CDC42BPB: variants seen among roughly 807,000 people sequenced by gnomAD.
The protein encoded by CDC42BPB is CDC42 binding protein kinase beta.
In CDC42BPB, 37 loss-of-function variants were observed where a neutral mutation model predicts 214.9. That is an observed-to-expected ratio of 0.17 (90% CI 0.13 to 0.23). The LOEUF (loss-of-function observed/expected upper bound fraction) is 0.23. CDC42BPB is among the 10% of genes least tolerant of loss of function. The pLI is 1.00. For missense variants in CDC42BPB, 1,694 were observed against 2,227.0 expected (o/e 0.76, Z 4.82); for synonymous variants, 931 against 884.0 (o/e 1.05, Z -0.94).
At position 103,057,479 on chromosome 14, in the gene CDC42BPB, CG is replaced by C; in HGVS notation, c.-307del. On this transcript the variant is annotated 5_prime_UTR_variant, in exon 1 of 37. Transcript: ENST00000361246. ...GCCCCGCCCGCGGCCGCGCCCTCCC[CG>C]CCGCCGCCGCCGCAGACTAGGAGCG... 1 of 191,652 alleles carries C rather than the reference CG, an allele frequency of 5.2e-6. No individual in the cohort carries two copies. Among genetic ancestry groups the C allele is most frequent in the South Asian group, 1.6e-4 (1 of 6,436 alleles). 11.9% of individuals were successfully genotyped at this position (191,652 alleles called of 1,614,324 possible).
At chr14:103,034,486 T>A (rs1887557444) in intron 1 of CDC42BPB, among the ~76,000 whole-genome samples, 1 of 152,140 alleles carries the variant, frequency 6.6e-6, no homozygotes. Flanking sequence ...CAACAGGAAT[T>A]ACCATAGCCG....
Position 103,042,308 on chromosome 14 carries a change from AC to A in CDC42BPB, c.175+14690del, listed in dbSNP as rs1371524478. ...ACTCTTAAAATTCAACAAAAACACA[AC>A]CCAATTTTTTTTTTTTTTGAGACGG... is the stretch of plus-strand genomic sequence containing the variant. On this transcript the variant is annotated intron_variant, in intron 1 of 36. Coordinates refer to ENST00000361246, the MANE Select transcript of CDC42BPB (RefSeq NM_006035.4). Among the ~76,000 whole-genome samples the A allele has an allele frequency of 4.5e-4, 68 of 150,990 alleles. 2 individuals carry two copies. The highest frequency in any genetic ancestry group is 4.4e-5 in the Non-Finnish European group (3 of 67,808).
At chr14:102,949,723 G>C (rs1193537366) in intron 26 of CDC42BPB, 42 bp downstream of exon 26, 1 of 1,610,234 alleles carries the variant, frequency 6.2e-7, no homozygotes, top group African/African-American at 1.3e-5. Context: ...AGATAGCTGA[G>C]GAAGATTCAC....
At chr14:103,053,241 G>A (rs967947391) in intron 1 of CDC42BPB, among the ~76,000 whole-genome samples, 1 of 151,678 alleles carries the variant, frequency 6.6e-6, no homozygotes, top group Non-Finnish European at 1.5e-5. Flanking sequence ...CCAGCTACTC[G>A]GGAGACTGAG....
intron 36 of CDC42BPB, among the ~76,000 whole-genome samples, chr14:102,935,250 G>T (rs1452222178): frequency 6.6e-6 from 1 of 151,836 alleles, no homozygotes; most frequent in South Asian, 2.1e-4. Context: ...AATAAGCTCA[G>T]CAAAGTTATA....
chr14:102,982,984 A>G lies in CDC42BPB; in HGVS notation c.891+572T>C, dbSNP rs115516761. 5.5e-3 allele frequency among the ~76,000 whole-genome samples: 842 copies of G among 152,298 alleles called. 12 individuals carry two copies. Among genetic ancestry groups the G allele is most frequent in the African/African-American group, 0.019 (807 of 41,552 alleles). On this transcript the variant is annotated intron_variant, in intron 7 of 36. Transcript: ENST00000361246. ...AAAACAAAGGAGGTGGAGAGAGGTG[A>G]CATGGAAGTGAGAAAGTGAACAGTT... is the stretch of plus-strand genomic sequence containing the variant.
At chr14:103,026,407 A>G (rs1887057979) in intron 1 of CDC42BPB, among the ~76,000 whole-genome samples, 1 of 152,198 alleles carries the variant, frequency 6.6e-6, no homozygotes, top group South Asian at 2.1e-4. Flanking sequence ...AAACAAAACA[A>G]AACAAAAAAC....
At position 102,943,731 on chromosome 14, in the gene CDC42BPB, C is replaced by A; in HGVS notation, c.4408+160G>T. On this transcript the variant is annotated intron_variant, in intron 30 of 36. Transcript: ENST00000361246. The surrounding 1 kb of genome is among the most constrained non-coding windows in gnomAD (Gnocchi z 4.6). ...CTGGTCTGAGACGTGAGATCTGAAC[C>A]ATGCTCTCTGCTGCGGGCTGGCATG... 1 of 637,546 alleles carries A rather than the reference C, an allele frequency of 1.6e-6. No individual in the cohort carries two copies. Among genetic ancestry groups the A allele is most frequent in the Non-Finnish European group, 2.7e-6 (1 of 371,046 alleles). The allele number at this position is 637,546 out of a possible 1,614,324, so 39.5% of individuals were successfully genotyped here. A position where few individuals can be genotyped will look rare whatever the true frequency, so the allele number is the denominator to read the frequency against.
intron 34 of CDC42BPB, among the ~76,000 whole-genome samples, chr14:102,938,926 G>A (rs988140715): frequency 1.2e-4 from 18 of 145,698 alleles, no homozygotes; most frequent in Non-Finnish European, 2.5e-4. Context: ...ACCACACCCA[G>A]CCTAAAATAC....
intron 5 of CDC42BPB, among the ~76,000 whole-genome samples, chr14:102,997,596 C>G (rs1428952817): frequency 3.9e-5 from 6 of 152,180 alleles, no homozygotes; most frequent in Non-Finnish European, 7.3e-5. Flanking sequence ...CAAGGAAAAC[C>G]AGATCGAGAC....
At chr14:103,022,951 AT>A (rs1886853679) in intron 1 of CDC42BPB, among the ~76,000 whole-genome samples, 1 of 151,770 alleles carries the variant, frequency 6.6e-6, no homozygotes, top group Admixed American at 6.6e-5. Context: ...AGAACTGTTC[AT>A]TTACACACCA....
rs770829901 is a variant in CDC42BPB, at chr14:102,940,090, T to G, written c.4547A>C (p.Asn1516Thr). Residue 1516 changes from asparagine (N) to threonine (T), a missense_variant, in exon 32 of 37, where the codon AAC (asparagine) becomes ACC (threonine). This residue lies in a region of CDC42BPB where 567 missense variants were observed against 790.3 expected (regional missense o/e 0.72). Coordinates refer to ENST00000361246, the MANE Select transcript of CDC42BPB (RefSeq NM_006035.4). ...GTAGATCAAGCGTGGAGGCTCGCAG[T>G]TGAGGAGGTTGAGGGTGCCTTCAGA... ...LNSEGTLNLLNCEPPRLIYFK... is the reference protein window; with the variant it reads ...LNSEGTLNLLTCEPPRLIYFK... 6.2e-7 allele frequency: 1 copy of G among 1,613,790 alleles called. No individual in the cohort carries two copies. Among genetic ancestry groups the G allele is most frequent in the Admixed American group, 1.7e-5 (1 of 60,014 alleles).
rs1444099727 is a variant in CDC42BPB at position 103,023,481 on chromosome 14, A to AT, written c.176-11294dup. Among the ~76,000 whole-genome samples, 11 of 151,878 alleles carry AT rather than the reference A, an allele frequency of 7.2e-5. No individual in the cohort carries two copies. In the East Asian group the frequency reaches 1.4e-3, roughly 19 times the overall value. ...CATGCCTGGCAGTGGCTAATTTTTT[A>AT]TTTTTTGTAGACACGGGGTCTTGCT... is the stretch of plus-strand genomic sequence containing the variant. On this transcript the variant is annotated intron_variant, in intron 1 of 36. Transcript: ENST00000361246.
rs180986121 is a variant in CDC42BPB at position 103,028,664 on chromosome 14, A to G, written c.176-16476T>C. Among the ~76,000 whole-genome samples, 211 of 152,304 alleles carry G rather than the reference A, an allele frequency of 1.4e-3. 1 individual carries two copies. Among genetic ancestry groups the G allele is most frequent in the African/African-American group, 4.8e-3 (201 of 41,562 alleles). Reference sequence around the variant, plus strand: ...GGTGCATGTGAGTGAAAAGAAACCCACAGCTTCCAGAAGGTTCTTCCTACG... The same window carrying G: ...GGTGCATGTGAGTGAAAAGAAACCCGCAGCTTCCAGAAGGTTCTTCCTACG... On this transcript the variant is annotated intron_variant, in intron 1 of 36. Coordinates refer to ENST00000361246, the MANE Select transcript of CDC42BPB (RefSeq NM_006035.4).
chr14:102,935,723 A>G (rs962030479), intron 36 of CDC42BPB, among the ~76,000 whole-genome samples: 4 of 151,302 alleles, frequency 2.6e-5, no homozygotes, highest in African/African-American at 7.3e-5. Context: ...CCAGGAAACA[A>G]AGGTTGCAGT....
At chr14:102,977,361 A>AG (rs1893800440) in intron 9 of CDC42BPB, among the ~76,000 whole-genome samples, 1 of 147,754 alleles carries the variant, frequency 6.8e-6, no homozygotes, top group Non-Finnish European at 1.5e-5. Context: ...AAAAAAAAAA[A>AG]GAAGCATGGG....
At chr14:102,986,053 C>A (rs1894233386) in intron 6 of CDC42BPB, among the ~76,000 whole-genome samples, 1 of 152,210 alleles carries the variant, frequency 6.6e-6, no homozygotes, top group Admixed American at 6.5e-5. Context: ...GTCTACAACA[C>A]CCATAGAGAG....
At chr14:102,977,766 C>G (rs898334818) in intron 9 of CDC42BPB, among the ~76,000 whole-genome samples, 1 of 152,012 alleles carries the variant, frequency 6.6e-6, no homozygotes, top group African/African-American at 2.4e-5. Context: ...GAAATCTCAC[C>G]CCCCTGGCCT....
At position 102,959,619 on chromosome 14, in the gene CDC42BPB, A is replaced by AG; in HGVS notation, c.2901+11_2901+12insC. On this transcript the variant is annotated intron_variant, in intron 21 of 36. Transcript: ENST00000361246. ...AACTCATCTGTCACTTAAAAAAAAA[A>AG]CAATGACTTACTCTAAATGTCAGGT... is the stretch of plus-strand genomic sequence containing the variant. 2.5e-6 allele frequency: 4 copies of AG among 1,570,342 alleles called. No homozygotes were observed. The highest frequency in any genetic ancestry group is 3.5e-6 in the Non-Finnish European group (4 of 1,150,970).
Sources: gnomAD v4.1 joint callset for allele counts (sites outside exome capture counted in the v4.1 genomes callset) on GRCh38, gnomAD v4.1.1 for gene constraint, gnomAD v4.1.1 regional missense constraint, Gnocchi (gnomAD v3.1) non-coding constraint, MANE v1.5 for transcripts, NCBI Gene and HGNC (gene_info 2026-07-23, HGNC 2026-07-21) for gene names.